RAD54L2: variants seen among roughly 807,000 people sequenced by gnomAD.
RAD54L2 encodes the protein RAD54 like 2, also known as helicase ARIP4.
In RAD54L2, 27 loss-of-function variants were observed where a neutral mutation model predicts 138.4. That is an observed-to-expected ratio of 0.20 (90% confidence interval 0.14 to 0.27). The LOEUF (loss-of-function observed/expected upper bound fraction) is 0.27, where lower values mean the gene tolerates loss of function less well. Among genes scored for constraint, RAD54L2 ranks in the 10% least tolerant of loss-of-function variants. The pLI is 1.00. For missense variants in RAD54L2, 1,396 were observed against 1,890.2 expected, an observed-to-expected ratio of 0.74 and a Z score of 4.85; for synonymous variants, 644 against 723.2, an observed-to-expected ratio of 0.89 and a Z score of 1.76.
At chr3:51,611,182 A>G (rs1559636048) in intron 3 of RAD54L2, among the ~76,000 whole-genome samples, 1 of 149,290 alleles carries the variant, frequency 6.7e-6, no homozygotes, top group Non-Finnish European at 1.5e-5. Context: ...TCTCCAACCT[A>G]TTGTCACTTG....
chr3:51,647,405 C>T (rs376551092), intron 19 of RAD54L2, among the ~76,000 whole-genome samples: 10 of 152,218 alleles, frequency 6.6e-5, no homozygotes, highest in East Asian at 3.9e-4. Context: ...CAGTGGCTCA[C>T]GCCTGTAATC....
In RAD54L2 at chr3:51,641,771, C is replaced by T; in HGVS notation, c.2254C>T (p.Leu752Phe). Residue 752 changes from leucine (L) to phenylalanine (F), a missense_variant, in exon 15 of 23, where the codon CTC (leucine) becomes TTC (phenylalanine). This residue lies in a region of RAD54L2 where 211 missense variants were observed against 273.8 expected (regional missense o/e 0.77). Coordinates refer to ENST00000684192, the MANE Select transcript of RAD54L2 (RefSeq NM_015106.4). ...VFSQSLSTLALIEEFLGKREV... is the reference protein window; with the variant it reads ...VFSQSLSTLAFIEEFLGKREV... ...CAGCCAGAGTCTTTCCACCTTGGCT[C>T]TCATCGAGGAATTCCTTGGAAAACG... The T allele has an allele frequency of 6.3e-7, 1 of 1,593,098 alleles. No individual in the cohort carries two copies. The highest frequency in any genetic ancestry group is 1.1e-5 in the South Asian group (1 of 87,438).
intron 3 of RAD54L2, among the ~76,000 whole-genome samples, chr3:51,601,748 A>T (rs558525762): frequency 1.4e-4 from 21 of 150,472 alleles, no homozygotes; most frequent in African/African-American, 4.6e-4. Flanking sequence ...CCAGCCAGAG[A>T]TTCATTCTTG....
chr3:51,573,627 G>A (rs1362937296), intron 2 of RAD54L2, among the ~76,000 whole-genome samples: 2 of 152,004 alleles, frequency 1.3e-5, no homozygotes, highest in South Asian at 2.1e-4. Flanking sequence ...GCGCCACCAC[G>A]CCTGACTAAT....
At chr3:51,619,869 T>C (rs1024051505) in intron 3 of RAD54L2, among the ~76,000 whole-genome samples, 1 of 152,180 alleles carries the variant, frequency 6.6e-6, no homozygotes, top group African/African-American at 2.4e-5. Flanking sequence ...TTTCTTTGCA[T>C]ATCTAGTGAA....
chr3:51,574,158 C>T (rs1699407930), intron 2 of RAD54L2, among the ~76,000 whole-genome samples: 1 of 152,122 alleles, frequency 6.6e-6, no homozygotes. Context: ...ATCCATGTCC[C>T]TACAAAGGAC....
In RAD54L2 at chr3:51,645,825, C is replaced by A; in HGVS notation, c.2829+62C>A. Reference sequence around the variant, plus strand: ...AGTCTCTCTGTCAAAGGAGGCTTGTCTTGTAAGCTTTTTTCTTCATCTGAG... The same window carrying A: ...AGTCTCTCTGTCAAAGGAGGCTTGTATTGTAAGCTTTTTTCTTCATCTGAG... On this transcript the variant is annotated intron_variant, in intron 18 of 22. Transcript: ENST00000684192. The surrounding 1 kb of genome is among the most constrained non-coding windows in gnomAD (Gnocchi z 6.1). 1 of 1,480,438 alleles carries A rather than the reference C, an allele frequency of 6.8e-7. No individual in the cohort carries two copies. The highest frequency in any genetic ancestry group is 9.0e-7 in the Non-Finnish European group (1 of 1,106,144). 91.7% of individuals were successfully genotyped at this position (1,480,438 alleles called of 1,614,324 possible). A position where few individuals can be genotyped will look rare whatever the true frequency, so the allele number is the denominator to read the frequency against.
chr3:51,591,014 C>G (rs1415470678), intron 3 of RAD54L2, among the ~76,000 whole-genome samples: 3 of 152,158 alleles, frequency 2.0e-5, no homozygotes, highest in Non-Finnish European at 1.5e-5. Context: ...GGCAGAGATT[C>G]TTAGACAGAT....
Position 51,630,824 on chromosome 3 carries a change from A to G in RAD54L2, c.718A>G (p.Asn240Asp). ...TGGCACCCATGTCAATGATGTCTTA[A>G]ACCAGCGTGACGCCCTTGGGCGGGT... ...KGGTHVNDVLNQRDALGRVLV... is the reference protein window; with the variant it reads ...KGGTHVNDVLDQRDALGRVLV... Residue 240 changes from asparagine (N) to aspartate (D), a missense_variant, in exon 7 of 23, where the codon AAC (asparagine) becomes GAC (aspartate). Transcript: ENST00000684192. 6.2e-7 allele frequency: 1 copy of G among 1,614,058 alleles called. No homozygotes were observed. The highest frequency in any genetic ancestry group is 8.5e-7 in the Non-Finnish European group (1 of 1,179,892).
At position 51,629,452 on chromosome 3, in the gene RAD54L2, G is replaced by T; in HGVS notation, c.460G>T (p.Val154Phe). The T allele has an allele frequency of 6.2e-7, 1 of 1,612,680 alleles. No homozygotes were observed. Among genetic ancestry groups the T allele is most frequent in the South Asian group, 1.1e-5 (1 of 90,572 alleles). Residue 154 changes from valine (V) to phenylalanine (F), a missense_variant, in exon 5 of 23, where the codon GTT (valine) becomes TTT (phenylalanine). Val to Phe is a conservative substitution (Grantham distance 50). Coordinates refer to ENST00000684192, the MANE Select transcript of RAD54L2 (RefSeq NM_015106.4). ...AGATTATGCAGCCCCTATTCCTACT[G>T]TTCCGCTGGAGTTCCTCCCTGGTAA... ...RKDYAAPIPT[V>F]PLEFLPEEIA...
chr3:51,657,708 TGA>T, intron 21 of RAD54L2, 39 bp downstream of exon 21: 1 of 1,381,060 alleles, frequency 7.2e-7, no homozygotes, highest in African/African-American at 1.4e-5. Context: ...TGCCTTTGGT[TGA>T]GAGTGCTGGG....
At chr3:51,556,434 G>C (rs1386062764) in intron 2 of RAD54L2, among the ~76,000 whole-genome samples, 1 of 152,040 alleles carries the variant, frequency 6.6e-6, no homozygotes, top group Non-Finnish European at 1.5e-5. Context: ...ATTTTGTAGA[G>C]ACAGGGTATC....
At chr3:51,579,637 C>T (rs566929282) in intron 2 of RAD54L2, among the ~76,000 whole-genome samples, 4 of 152,198 alleles carry the variant, frequency 2.6e-5, no homozygotes, top group South Asian at 2.1e-4. Flanking sequence ...TTACGAACCC[C>T]GGTACCATTT....
At chr3:51,548,610 T>C (rs1553672842) in intron 2 of RAD54L2, among the ~76,000 whole-genome samples, 1 of 152,178 alleles carries the variant, frequency 6.6e-6, no homozygotes, top group East Asian at 1.9e-4. Flanking sequence ...TACACAGAGC[T>C]GATAATAAGA....
intron 2 of RAD54L2, among the ~76,000 whole-genome samples, chr3:51,583,181 G>C (rs1161046549): frequency 6.6e-6 from 1 of 152,156 alleles, no homozygotes; most frequent in Non-Finnish European, 1.5e-5. Context: ...TTACGCATTT[G>C]AAAATTTGAA....
intron 3 of RAD54L2, among the ~76,000 whole-genome samples, chr3:51,603,142 C>CAA (rs56410629): frequency 3.1e-3 from 277 of 90,692 alleles, no homozygotes; most frequent in Middle Eastern, 9.9e-3. Context: ...ATTACTACTA[C>CAA]AAAAAAAAAA....
chr3:51,570,139 ATTTTTTTTTTT>A (rs374562749), intron 2 of RAD54L2, among the ~76,000 whole-genome samples: 3 of 100,986 alleles, frequency 3.0e-5, no homozygotes, highest in Non-Finnish European at 6.0e-5. Flanking sequence ...AGCCTTTTTA[ATTTTTTTTTTT>A]TTTTTTTTTT....
chr3:51,626,432 C>T (rs1218555015), intron 3 of RAD54L2, among the ~76,000 whole-genome samples: 2 of 19,852 alleles, frequency 1.0e-4, no homozygotes, highest in East Asian at 2.3e-3. Context: ...GGACCCCCAA[C>T]GATCTTTTTT....
At chr3:51,572,826 G>A (rs1699368843) in intron 2 of RAD54L2, among the ~76,000 whole-genome samples, 1 of 151,700 alleles carries the variant, frequency 6.6e-6, no homozygotes, top group Non-Finnish European at 1.5e-5. Context: ...TTTTAGTAGA[G>A]ACGGCATTTC....
Sources: gnomAD v4.1 joint callset for allele counts (sites outside exome capture counted in the v4.1 genomes callset) on GRCh38, gnomAD v4.1.1 for gene constraint, gnomAD v4.1.1 regional missense constraint, Gnocchi (gnomAD v3.1) non-coding constraint, MANE v1.5 for transcripts, NCBI Gene and HGNC (gene_info 2026-07-23, HGNC 2026-07-21) for gene names.